KCNB2: variants seen among roughly 807,000 people sequenced by gnomAD.
KCNB2 encodes potassium voltage-gated channel subfamily B member 2, also known as delayed rectifier potassium channel protein.
A neutral mutation model predicts 61.5 loss-of-function variants in KCNB2; 15 were observed. The observed-to-expected ratio is 0.24, with a 90% CI of 0.16 to 0.38. KCNB2 has a LOEUF of 0.38. KCNB2 is among the 10% of genes least tolerant of loss of function. KCNB2 has a pLI of 1.00. For missense variants in KCNB2, 828 were observed against 1,125.2 expected, an observed-to-expected ratio of 0.74 and a Z score of 3.78; for synonymous variants, 457 against 446.0, an observed-to-expected ratio of 1.02 and a Z score of -0.31.
intron 2 of KCNB2, among the ~76,000 whole-genome samples, chr8:72,574,604 C>G (rs1015464336): frequency 6.6e-6 from 1 of 152,114 alleles, no homozygotes; most frequent in Non-Finnish European, 1.5e-5. Context: ...TTTTCCATCT[C>G]TTTAGAAAAA....
chr8:72,548,168 C>A (rs954318020), intron 1 of KCNB2, among the ~76,000 whole-genome samples: 1 of 152,064 alleles, frequency 6.6e-6, no homozygotes, highest in African/African-American at 2.4e-5. Context: ...ATAAACATTA[C>A]CTTTACATGC....
intron 2 of KCNB2, among the ~76,000 whole-genome samples, chr8:72,724,505 C>A (rs901599908): frequency 6.6e-6 from 1 of 152,080 alleles, no homozygotes; most frequent in Non-Finnish European, 1.5e-5. Context: ...AACAGCTGCA[C>A]CTTTATTTGA....
intron 2 of KCNB2, among the ~76,000 whole-genome samples, chr8:72,722,086 A>G (rs546863816): frequency 4.6e-5 from 7 of 152,264 alleles, no homozygotes; most frequent in Admixed American, 2.6e-4. Flanking sequence ...CATCTATGAA[A>G]GCTATCATCA....
chr8:72,747,508 G>A (rs150032578), intron 2 of KCNB2, among the ~76,000 whole-genome samples: 127 of 152,256 alleles, frequency 8.3e-4, no homozygotes, highest in Non-Finnish European at 1.7e-3. Context: ...GGTCAGCAAG[G>A]TCTCAAATCT....
chr8:72,856,489 C>T, intron 2 of KCNB2, among the ~76,000 whole-genome samples: 1 of 152,142 alleles, frequency 6.6e-6, no homozygotes, highest in Non-Finnish European at 1.5e-5. Flanking sequence ...ATAGGGGCCT[C>T]ATCGAAAAGA....
At chr8:72,616,130 A>G (rs1160127391) in intron 2 of KCNB2, among the ~76,000 whole-genome samples, 2 of 152,190 alleles carry the variant, frequency 1.3e-5, no homozygotes, top group Non-Finnish European at 2.9e-5. Flanking sequence ...TTTCTCGCTT[A>G]GGTTTTAAGT....
intron 2 of KCNB2, among the ~76,000 whole-genome samples, chr8:72,668,078 A>G (rs919023327): frequency 1.3e-5 from 2 of 152,238 alleles, no homozygotes; most frequent in Non-Finnish European, 2.9e-5. Context: ...AGAAAAAGAC[A>G]CATAGTTTGG....
At chr8:72,620,812 T>A (rs1027050062) in intron 2 of KCNB2, among the ~76,000 whole-genome samples, 5 of 152,092 alleles carry the variant, frequency 3.3e-5, no homozygotes, top group African/African-American at 9.7e-5. Flanking sequence ...TTCACCACGT[T>A]GGCCAGGCTG....
intron 2 of KCNB2, among the ~76,000 whole-genome samples, chr8:72,662,300 A>G (rs1341896974): frequency 6.6e-6 from 1 of 152,116 alleles, no homozygotes; most frequent in African/African-American, 2.4e-5. Flanking sequence ...AGTGGCCACA[A>G]CAGATTGTAG....
intron 2 of KCNB2, among the ~76,000 whole-genome samples, chr8:72,641,561 T>G (rs1806055693): frequency 6.6e-6 from 1 of 152,114 alleles, no homozygotes; most frequent in Non-Finnish European, 1.5e-5. Context: ...ACTTTGGATC[T>G]CCTTAAGCCA....
At chr8:72,896,411 CA>C (rs1441890079) in intron 2 of KCNB2, among the ~76,000 whole-genome samples, 1 of 152,016 alleles carries the variant, frequency 6.6e-6, no homozygotes, top group East Asian at 1.9e-4. Flanking sequence ...TTCATAAGGC[CA>C]ACACTAAATG....
At chr8:72,722,343 A>C (rs879518891) in intron 2 of KCNB2, among the ~76,000 whole-genome samples, 1 of 152,182 alleles carries the variant, frequency 6.6e-6, no homozygotes, top group Non-Finnish European at 1.5e-5. Flanking sequence ...CATTGCTTGC[A>C]CAATTAAGGC....
intron 2 of KCNB2, among the ~76,000 whole-genome samples, chr8:72,806,384 G>A (rs1347647050): frequency 6.7e-6 from 1 of 148,750 alleles, no homozygotes; most frequent in African/African-American, 2.5e-5. Context: ...GAATAATTTG[G>A]CCAGGATCAG....
intron 2 of KCNB2, among the ~76,000 whole-genome samples, chr8:72,697,771 AT>A (rs1017421938): frequency 2.0e-5 from 3 of 152,180 alleles, no homozygotes; most frequent in East Asian, 1.9e-4. Flanking sequence ...TAAAAAAATG[AT>A]TTTTTTTCTA....
chr8:72,826,677 C>T (rs923635724), intron 2 of KCNB2, among the ~76,000 whole-genome samples: 12 of 151,994 alleles, frequency 7.9e-5, no homozygotes, highest in South Asian at 2.1e-4. Context: ...TGAATGGAGG[C>T]GGGGATGAAG....
chr8:72,567,150 A>G (rs1037435008), intron 1 of KCNB2, among the ~76,000 whole-genome samples: 12 of 152,012 alleles, frequency 7.9e-5, no homozygotes, highest in African/African-American at 2.4e-4. Context: ...GAGAAACCCC[A>G]TCTCTACAAA....
chr8:72,850,931 C>T (rs1441062904), intron 2 of KCNB2, among the ~76,000 whole-genome samples: 1 of 152,110 alleles, frequency 6.6e-6, no homozygotes, highest in Non-Finnish European at 1.5e-5. Context: ...GTGTCTAATT[C>T]GGTATTCCAT....
intron 2 of KCNB2, among the ~76,000 whole-genome samples, chr8:72,776,722 G>T (rs577257246): frequency 6.6e-6 from 1 of 152,156 alleles, no homozygotes; most frequent in African/African-American, 2.4e-5. Flanking sequence ...TGACACACAC[G>T]TTCGGAGATC....
intron 2 of KCNB2, among the ~76,000 whole-genome samples, chr8:72,919,492 G>C (rs1806465039): frequency 6.6e-6 from 1 of 152,190 alleles, no homozygotes; most frequent in African/African-American, 2.4e-5. Flanking sequence ...AACAACCACT[G>C]TTTTTTCCAT....
Sources: allele counts gnomAD v4.1 joint callset (sites outside exome capture counted in the v4.1 genomes callset), GRCh38; gene constraint gnomAD v4.1.1; transcripts MANE v1.5; gene names NCBI Gene and HGNC (gene_info 2026-07-23, HGNC 2026-07-21).